Variants in JAKMIP1 observed in about 807,000 individuals in gnomAD.
The protein encoded by JAKMIP1 is janus kinase and microtubule-interacting protein 1.
In JAKMIP1, 33 loss-of-function variants were observed where a neutral mutation model predicts 113.0. The ratio of observed to expected loss-of-function variants is 0.29; its 90% confidence interval spans 0.22 to 0.39. The LOEUF is 0.39. Ranked by LOEUF, JAKMIP1 falls within the 10% of genes least tolerant of loss-of-function variation. The pLI is 1.00. For missense variants in JAKMIP1, 813 were observed against 1,080.5 expected, an observed-to-expected ratio of 0.75 and a Z score of 3.47; for synonymous variants, 480 against 459.9, an observed-to-expected ratio of 1.04 and a Z score of -0.56.
intron 3 of JAKMIP1, among the ~76,000 whole-genome samples, chr4:6,100,441 A>G (rs1228316117): frequency 6.6e-6 from 1 of 152,236 alleles, no homozygotes; most frequent in Non-Finnish European, 1.5e-5. Flanking sequence ...TCATTGTTGA[A>G]TCACATTGTG....
At chr4:6,046,857 C>T (rs1715067224) in intron 16 of JAKMIP1, among the ~76,000 whole-genome samples, 1 of 152,298 alleles carries the variant, frequency 6.6e-6, no homozygotes, top group East Asian at 1.9e-4. Context: ...GGGCTGCTAT[C>T]ACTGAGGCTG....
At position 6,059,435 on chromosome 4, in the gene JAKMIP1, C is replaced by T. The variant is rs1487026731; in HGVS notation, c.1644+989G>A. Among the ~76,000 whole-genome samples the T allele has an allele frequency of 1.3e-5, 2 of 152,162 alleles. No individual in the cohort carries two copies. Among genetic ancestry groups the T allele is most frequent in the African/African-American group, 4.8e-5 (2 of 41,462 alleles). Reference sequence around the variant, plus strand: ...ACACCCCTTGCTTCACACCCGCCTCCTCCCACTGTATCCCACCAGGCCTAG... The same window carrying T: ...ACACCCCTTGCTTCACACCCGCCTCTTCCCACTGTATCCCACCAGGCCTAG... On this transcript the variant is annotated intron_variant, in intron 11 of 20. Transcript: ENST00000409021. The surrounding 1 kb of genome is among the most constrained non-coding windows in gnomAD (Gnocchi z 4.8).
In JAKMIP1 at chr4:6,142,236, AT is replaced by A. The variant is rs972983099; in HGVS notation, c.-147-29240del. Among the ~76,000 whole-genome samples the A allele has an allele frequency of 1.3e-5, 2 of 152,074 alleles. No homozygotes were observed. Among genetic ancestry groups the A allele is most frequent in the African/African-American group, 4.8e-5 (2 of 41,402 alleles). ...TCTGAGGATTTTGTACAGATTTAGAATTTTTTTCCATGGAGAGATTCCCTTT... is the reference window on the plus strand; with the variant it reads ...TCTGAGGATTTTGTACAGATTTAGAATTTTTTCCATGGAGAGATTCCCTTT... On this transcript the variant is annotated intron_variant, in intron 1 of 20. Transcript: ENST00000409021. This position sits in a 1 kb window ranked among gnomAD's most constrained non-coding sequence, Gnocchi z 5.5.
rs1263507963 is a variant in JAKMIP1, at chr4:6,167,705, AC to A, written c.-148+32547del. Among the ~76,000 whole-genome samples the A allele has an allele frequency of 1.3e-5, 2 of 152,128 alleles. No individual in the cohort carries two copies. Among genetic ancestry groups the A allele is most frequent in the Non-Finnish European group, 1.5e-5 (1 of 68,006 alleles). ...GACACGTGTCAGCTCCCTCCACCCC[AC>A]CATGAATGTACTGCTATCCTCACTT... On this transcript the variant is annotated intron_variant, in intron 1 of 20. Coordinates refer to ENST00000409021, the MANE Select transcript of JAKMIP1 (RefSeq NM_001099433.2). This position sits in a 1 kb window ranked among gnomAD's most constrained non-coding sequence, Gnocchi z 5.3.
rs954462086 is a variant in JAKMIP1, at chr4:6,042,648, TAA to T, written c.2029-423_2029-422del. On this transcript the variant is annotated intron_variant, in intron 16 of 20. Coordinates refer to ENST00000409021, the MANE Select transcript of JAKMIP1 (RefSeq NM_001099433.2). This position sits in a 1 kb window ranked among gnomAD's most constrained non-coding sequence, Gnocchi z 5.2. ...GGCAGCGTCACCCCTATTTTGCAGG[TAA>T]AGACATGGAGGCTGAGTTAAGTAAC... Among the ~76,000 whole-genome samples the T allele has an allele frequency of 3.3e-5, 5 of 151,846 alleles. No individual in the cohort carries two copies. Among genetic ancestry groups the T allele is most frequent in the African/African-American group, 1.2e-4 (5 of 41,316 alleles).
At chr4:6,085,067 G>C in intron 4 of JAKMIP1, 102 bp from the exon 5 acceptor site, 2 of 1,379,324 alleles carry the variant, frequency 1.4e-6, no homozygotes, top group South Asian at 2.9e-5. Flanking sequence ...TAATGGGTGA[G>C]ATCCTTATTC....
rs1393203125 is a variant in JAKMIP1, at chr4:6,094,613, C to T, written c.625-8984G>A. ...TAAGCTGTGCCTTGATTCCTCCTAC[C>T]TTGTCAAACTAGTTCCCAACAGTGG... On this transcript the variant is annotated intron_variant, in intron 3 of 20. Transcript: ENST00000409021. The surrounding 1 kb of genome is among the most constrained non-coding windows in gnomAD (Gnocchi z 4.2). Among the ~76,000 whole-genome samples, 1 of 152,226 alleles carries T rather than the reference C, an allele frequency of 6.6e-6. No individual in the cohort carries two copies. Among genetic ancestry groups the T allele is most frequent in the East Asian group, 1.9e-4 (1 of 5,186 alleles).
In JAKMIP1 at chr4:6,178,389, T is replaced by C. The variant is rs1016672808; in HGVS notation, c.-148+21864A>G. Among the ~76,000 whole-genome samples, 1 of 152,176 alleles carries C rather than the reference T, an allele frequency of 6.6e-6. No homozygotes were observed. Among genetic ancestry groups the C allele is most frequent in the African/African-American group, 2.4e-5 (1 of 41,432 alleles). On this transcript the variant is annotated intron_variant, in intron 1 of 20. Coordinates refer to ENST00000409021, the MANE Select transcript of JAKMIP1 (RefSeq NM_001099433.2). The surrounding 1 kb of genome is among the most constrained non-coding windows in gnomAD (Gnocchi z 5.5). ...GGAGGTAATTGAATCATGGGGGCAG[T>C]TTACCCCATACTATTCTCATGATAG...
chr4:6,109,119 G>T (rs1402513560), intron 2 of JAKMIP1, among the ~76,000 whole-genome samples: 1 of 150,016 alleles, frequency 6.7e-6, no homozygotes, highest in South Asian at 2.1e-4. Context: ...ATGTGCCTGG[G>T]GCACCTTTTT....
At position 6,187,638 on chromosome 4, in the gene JAKMIP1, C is replaced by G. The variant is rs1726793076; in HGVS notation, c.-148+12615G>C. Among the ~76,000 whole-genome samples the G allele has an allele frequency of 6.6e-6, 1 of 152,248 alleles. No individual in the cohort carries two copies. The highest frequency in any genetic ancestry group is 2.4e-5 in the African/African-American group (1 of 41,476). On this transcript the variant is annotated intron_variant, in intron 1 of 20. Coordinates refer to ENST00000409021, the MANE Select transcript of JAKMIP1 (RefSeq NM_001099433.2). This position sits in a 1 kb window ranked among gnomAD's most constrained non-coding sequence, Gnocchi z 4.2. ...AATGGGGAGGCAGGGCCTCACCAGA[C>G]ACTGAATCTGCCGGTACCTTGATCT...
rs1342120437 is a variant in JAKMIP1 at position 6,040,815 on chromosome 4, G to C, written c.2098-99C>G. On this transcript the variant is annotated intron_variant, in intron 17 of 20. Coordinates refer to ENST00000409021, the MANE Select transcript of JAKMIP1 (RefSeq NM_001099433.2). This position sits in a 1 kb window ranked among gnomAD's most constrained non-coding sequence, Gnocchi z 5.8. Reference sequence around the variant, plus strand: ...TAGAGAGTGGCAGTCTCACCGAATTGGGGGCACTCAGATGAGAAGGGACTT... The same window carrying C: ...TAGAGAGTGGCAGTCTCACCGAATTCGGGGCACTCAGATGAGAAGGGACTT... 6 of 883,736 alleles carry C rather than the reference G, an allele frequency of 6.8e-6. No individual in the cohort carries two copies. Among genetic ancestry groups the C allele is most frequent in the Non-Finnish European group, 1.1e-5 (6 of 544,246 alleles). 54.7% of individuals were successfully genotyped at this position (883,736 alleles called of 1,614,324 possible). A position where few individuals can be genotyped will look rare whatever the true frequency, so the allele number is the denominator to read the frequency against.
Position 6,185,642 on chromosome 4 carries a change from C to T in JAKMIP1, c.-148+14611G>A, listed in dbSNP as rs559781875. Among the ~76,000 whole-genome samples, 54 of 151,886 alleles carry T rather than the reference C, an allele frequency of 3.6e-4. No homozygotes were observed. Among genetic ancestry groups the T allele is most frequent in the African/African-American group, 1.3e-3 (53 of 41,418 alleles). ...CAGCCTGAGCGACAGAGGAAGACTC[C>T]GTCTCAAAAAAACAAAAGCCAGACC... On this transcript the variant is annotated intron_variant, in intron 1 of 20. Coordinates refer to ENST00000409021, the MANE Select transcript of JAKMIP1 (RefSeq NM_001099433.2). The surrounding 1 kb of genome is among the most constrained non-coding windows in gnomAD (Gnocchi z 5.3).
At chr4:6,151,309 A>G (rs1721548494) in intron 1 of JAKMIP1, among the ~76,000 whole-genome samples, 1 of 152,202 alleles carries the variant, frequency 6.6e-6, no homozygotes, top group African/African-American at 2.4e-5. Flanking sequence ...AGTGTCTGCA[A>G]CTTTCTCAAG....
chr4:6,152,264 T>A (rs2108986083), intron 1 of JAKMIP1, among the ~76,000 whole-genome samples: 1 of 152,282 alleles, frequency 6.6e-6, no homozygotes. Context: ...TTCTTCCACT[T>A]GAGGCCATGA....
rs147158685 is a variant in JAKMIP1, at chr4:6,101,486, T to C, written c.624+3987A>G. 2.5e-4 allele frequency among the ~76,000 whole-genome samples: 38 copies of C among 152,350 alleles called. No individual in the cohort carries two copies. In the East Asian group the frequency reaches 6.9e-3, roughly 28 times the overall value. On this transcript the variant is annotated intron_variant, in intron 3 of 20. Transcript: ENST00000409021. ...TGTAGCTTTGTAGTAAACTTTGTTA[T>C]AGGTTGTATGAAACCTCCAATTTTT...
rs999420548 is a variant in JAKMIP1 at position 6,183,162 on chromosome 4, C to A, written c.-148+17091G>T. Among the ~76,000 whole-genome samples, 1 of 152,120 alleles carries A rather than the reference C, an allele frequency of 6.6e-6. No homozygotes were observed. Among genetic ancestry groups the A allele is most frequent in the Non-Finnish European group, 1.5e-5 (1 of 68,032 alleles). ...TAGACACACAGATACAGGTGCCCTG[C>A]GAAGGGGTGCTGGCTGATGTCTAAA... On this transcript the variant is annotated intron_variant, in intron 1 of 20. Coordinates refer to ENST00000409021, the MANE Select transcript of JAKMIP1 (RefSeq NM_001099433.2). This position sits in a 1 kb window ranked among gnomAD's most constrained non-coding sequence, Gnocchi z 5.3.
rs1404966340 is a variant in JAKMIP1 at position 6,168,156 on chromosome 4, T to C, written c.-148+32097A>G. 6.6e-6 allele frequency among the ~76,000 whole-genome samples: 1 copy of C among 152,168 alleles called. No homozygotes were observed. Among genetic ancestry groups the C allele is most frequent in the African/African-American group, 2.4e-5 (1 of 41,444 alleles). ...GCACAACAACAAGTGTGGGTGAGCA[T>C]GTGGGGAACTGGACCCTTTATGCAT... On this transcript the variant is annotated intron_variant, in intron 1 of 20. Coordinates refer to ENST00000409021, the MANE Select transcript of JAKMIP1 (RefSeq NM_001099433.2). This position sits in a 1 kb window ranked among gnomAD's most constrained non-coding sequence, Gnocchi z 4.6.
Position 6,112,970 on chromosome 4 carries a change from T to C in JAKMIP1, c.-120A>G. 5.8e-6 allele frequency: 8 copies of C among 1,371,686 alleles called. No homozygotes were observed. Among genetic ancestry groups the C allele is most frequent in the Non-Finnish European group, 7.7e-6 (8 of 1,039,936 alleles). 85.0% of individuals were successfully genotyped at this position (1,371,686 alleles called of 1,614,324 possible). A position where few individuals can be genotyped will look rare whatever the true frequency, so the allele number is the denominator to read the frequency against. On this transcript the variant is annotated 5_prime_UTR_variant, in exon 2 of 21. Transcript: ENST00000409021. ...CAGTCGCGCAGGACTCAGCTCGCCC[T>C]CCGAGGAAACCACCATCACTTGGGA...
In JAKMIP1 at chr4:6,044,846, A is replaced by G. The variant is rs1714782957; in HGVS notation, c.2029-2619T>C. Reference sequence around the variant, plus strand: ...ACGTGAGATCAGAAATTTAATATCAAAGAGTTTGGCCAGATAGCTGTGGAG... The same window carrying G: ...ACGTGAGATCAGAAATTTAATATCAGAGAGTTTGGCCAGATAGCTGTGGAG... On this transcript the variant is annotated intron_variant, in intron 16 of 20. Coordinates refer to ENST00000409021, the MANE Select transcript of JAKMIP1 (RefSeq NM_001099433.2). This position sits in a 1 kb window ranked among gnomAD's most constrained non-coding sequence, Gnocchi z 4.4. Among the ~76,000 whole-genome samples, 1 of 152,246 alleles carries G rather than the reference A, an allele frequency of 6.6e-6. No homozygotes were observed. Among genetic ancestry groups the G allele is most frequent in the East Asian group, 1.9e-4 (1 of 5,196 alleles).
Sources: allele counts gnomAD v4.1 joint callset (sites outside exome capture counted in the v4.1 genomes callset), GRCh38; gene constraint gnomAD v4.1.1; non-coding constraint Gnocchi (gnomAD v3.1); transcripts MANE v1.5; gene names NCBI Gene and HGNC (gene_info 2026-07-23, HGNC 2026-07-21).